The following PPARA variants were observed in gnomAD, a reference collection of about 807,000 sequenced individuals.
PPARA encodes peroxisome proliferator activated receptor alpha.
PPARA carries 22 observed loss-of-function variants against 42.2 expected under a neutral mutation model. The ratio of observed to expected loss-of-function variants is 0.52; its 90% confidence interval spans 0.37 to 0.74. The LOEUF (loss-of-function observed/expected upper bound fraction) is 0.74. PPARA is among the 30% of genes least tolerant of loss of function. The pLI, the probability that PPARA is intolerant of heterozygous loss-of-function variation, is 0.00. For synonymous variants in PPARA, 242 were observed against 239.3 expected, an observed-to-expected ratio of 1.01 and a Z score of -0.10; for missense variants, 465 against 608.2, an observed-to-expected ratio of 0.76 and a Z score of 2.48.
At chr22:46,169,427 G>A (rs1004878700) in intron 2 of PPARA, among the ~76,000 whole-genome samples, 1 of 151,842 alleles carries the variant, frequency 6.6e-6, no homozygotes, top group African/African-American at 2.4e-5. Flanking sequence ...GTAGAGACGG[G>A]GTTTCACCAT....
Position 46,240,023 on chromosome 22 carries a change from T to C in PPARA, c.*4643T>C. On this transcript the variant is annotated 3_prime_UTR_variant, in exon 9 of 9. Transcript: ENST00000407236. The surrounding 1 kb of genome is among the most constrained non-coding windows in gnomAD (Gnocchi z 6.0). ...CATTGCTTCAACACAGCAAGCCCAA[T>C]GCACCCAGCTAAGACTGGCTTGACC... 2.5e-6 allele frequency: 1 copy of C among 397,300 alleles called. No homozygotes were observed. The highest frequency in any genetic ancestry group is 4.4e-6 in the Non-Finnish European group (1 of 225,804). 24.6% of individuals were successfully genotyped at this position (397,300 alleles called of 1,614,324 possible).
intron 3 of PPARA, among the ~76,000 whole-genome samples, chr22:46,179,514 C>G (rs1929644116): frequency 6.6e-6 from 1 of 151,838 alleles, no homozygotes; most frequent in Non-Finnish European, 1.5e-5. Flanking sequence ...TATCCATATG[C>G]CCAAAATGAA....
At chr22:46,154,492 C>A (rs1005223088) in intron 2 of PPARA, among the ~76,000 whole-genome samples, 2 of 149,064 alleles carry the variant, frequency 1.3e-5, no homozygotes, top group Admixed American at 6.7e-5. Flanking sequence ...GTGGCGTGTG[C>A]CTGTGGCCCC....
At chr22:46,202,015 C>T (rs1408450350) in intron 4 of PPARA, among the ~76,000 whole-genome samples, 3 of 152,104 alleles carry the variant, frequency 2.0e-5, no homozygotes, top group African/African-American at 7.2e-5. Flanking sequence ...CAGAGATACA[C>T]TTTTTTCTTT....
chr22:46,186,569 G>C (rs2147298301), intron 3 of PPARA, among the ~76,000 whole-genome samples: 1 of 152,256 alleles, frequency 6.6e-6, no homozygotes, highest in African/African-American at 2.4e-5. Flanking sequence ...CCATGTAGCT[G>C]TCATTAACCT....
At chr22:46,215,683 A>G (rs1934414627) in intron 5 of PPARA, among the ~76,000 whole-genome samples, 1 of 152,196 alleles carries the variant, frequency 6.6e-6, no homozygotes, top group African/African-American at 2.4e-5. Context: ...CAGAGGTTGC[A>G]GTGAGCCAAG....
rs937467992 is a variant in PPARA, at chr22:46,193,741, C to T, written c.-42-4601C>T. Among the ~76,000 whole-genome samples, 2 of 152,330 alleles carry T rather than the reference C, an allele frequency of 1.3e-5. No individual in the cohort carries two copies. The highest frequency in any genetic ancestry group is 6.5e-5 in the Admixed American group (1 of 15,296). Reference sequence around the variant, plus strand: ...GAACAGAAGCCCTACCTTTTCCCAACACCCTATCCACCTGTCCCTCACCTC... The same window carrying T: ...GAACAGAAGCCCTACCTTTTCCCAATACCCTATCCACCTGTCCCTCACCTC... On this transcript the variant is annotated intron_variant, in intron 3 of 8. Transcript: ENST00000407236. This position sits in a 1 kb window ranked among gnomAD's most constrained non-coding sequence, Gnocchi z 5.3.
intron 7 of PPARA, 106 bp downstream of exon 7, chr22:46,220,120 C>T: frequency 7.8e-7 from 1 of 1,287,578 alleles, no homozygotes; most frequent in East Asian, 2.5e-5. Flanking sequence ...ATATTTATCC[C>T]ACAGTTAAGC....
In PPARA at chr22:46,161,473, C is replaced by A. The variant is rs1405038625; in HGVS notation, c.-127+9503C>A. Among the ~76,000 whole-genome samples the A allele has an allele frequency of 2.6e-5, 4 of 152,134 alleles. No individual in the cohort carries two copies. The highest frequency in any genetic ancestry group is 1.3e-4 in the Admixed American group (2 of 15,264). ...GGGCATGGTATGGCTGTAGTCCCAG[C>A]TACTCGGGAGGCTGAGGCAGGAGAA... is the stretch of plus-strand genomic sequence containing the variant. On this transcript the variant is annotated intron_variant, in intron 2 of 8. Coordinates refer to ENST00000407236, the MANE Select transcript of PPARA (RefSeq NM_005036.6). This position sits in a 1 kb window ranked among gnomAD's most constrained non-coding sequence, Gnocchi z 4.8.
chr22:46,166,676 T>A (rs567392991), intron 2 of PPARA, among the ~76,000 whole-genome samples: 1 of 149,652 alleles, frequency 6.7e-6, no homozygotes, highest in Non-Finnish European at 1.5e-5. Flanking sequence ...TGCTCAGAGA[T>A]AAAATGCGCG....
rs1241012976 is a variant in PPARA at position 46,161,574 on chromosome 22, C to T, written c.-127+9604C>T. On this transcript the variant is annotated intron_variant, in intron 2 of 8. Coordinates refer to ENST00000407236, the MANE Select transcript of PPARA (RefSeq NM_005036.6). This position sits in a 1 kb window ranked among gnomAD's most constrained non-coding sequence, Gnocchi z 4.8. ...GCACTCCAGCCTGGCAACAGCGAGA[C>T]TCCATCTCAAAAATAATAAGTAAAT... Among the ~76,000 whole-genome samples the T allele has an allele frequency of 3.9e-5, 6 of 151,990 alleles. No homozygotes were observed.
rs2147165845 is a variant in PPARA at position 46,167,358 on chromosome 22, A to C, written c.-126-9395A>C. ...GAAATGGGTCATAGATCTAATTGTA[A>C]GAGTTAAAACCATCCAGGTACAGTG... On this transcript the variant is annotated intron_variant, in intron 2 of 8. Coordinates refer to ENST00000407236, the MANE Select transcript of PPARA (RefSeq NM_005036.6). The surrounding 1 kb of genome is among the most constrained non-coding windows in gnomAD (Gnocchi z 4.1). 6.6e-6 allele frequency among the ~76,000 whole-genome samples: 1 copy of C among 152,192 alleles called. No homozygotes were observed. The highest frequency in any genetic ancestry group is 1.9e-4 in the East Asian group (1 of 5,188).
In PPARA at chr22:46,165,461, G is replaced by A. The variant is rs1796713150; in HGVS notation, c.-126-11292G>A. ...AGATAGTGAAGAACTGCCAGGCCAT[G>A]GTCTGGAGAAGATGGAAACTTGATG... On this transcript the variant is annotated intron_variant, in intron 2 of 8. Coordinates refer to ENST00000407236, the MANE Select transcript of PPARA (RefSeq NM_005036.6). The surrounding 1 kb of genome is among the most constrained non-coding windows in gnomAD (Gnocchi z 5.5). The A allele has an allele frequency of 6.6e-6, 1 of 152,256 alleles. No homozygotes were observed. The highest frequency in any genetic ancestry group is 2.4e-5 in the African/African-American group (1 of 41,460). 9.4% of individuals were successfully genotyped at this position (152,256 alleles called of 1,614,324 possible).
intron 3 of PPARA, among the ~76,000 whole-genome samples, chr22:46,177,146 G>C (rs1291465836): frequency 3.9e-5 from 6 of 152,162 alleles, no homozygotes; most frequent in African/African-American, 1.2e-4. Flanking sequence ...AGGAGGCAGA[G>C]CTTGCAGTGA....
At position 46,230,196 on chromosome 22, in the gene PPARA, A is replaced by T. The variant is rs1445443405; in HGVS notation, c.712-1596A>T. ...ACACCAGCCTGACCAACATGGTGTA[A>T]CCCCGTCTCTACTAAAAATACAAAA... On this transcript the variant is annotated intron_variant, in intron 7 of 8. Coordinates refer to ENST00000407236, the MANE Select transcript of PPARA (RefSeq NM_005036.6). This position sits in a 1 kb window ranked among gnomAD's most constrained non-coding sequence, Gnocchi z 5.0. Among the ~76,000 whole-genome samples, 1 of 152,102 alleles carries T rather than the reference A, an allele frequency of 6.6e-6. No individual in the cohort carries two copies. The highest frequency in any genetic ancestry group is 1.5e-5 in the Non-Finnish European group (1 of 68,010).
rs1936172377 is a variant in PPARA, at chr22:46,235,750, C to T, written c.*370C>T. On this transcript the variant is annotated 3_prime_UTR_variant, in exon 9 of 9. Transcript: ENST00000407236. This position sits in a 1 kb window ranked among gnomAD's most constrained non-coding sequence, Gnocchi z 7.0. ...ATTCGTGGCCTGTCTTCCCATTCACCCCGCTTTTGACTATTGTGCTCCTTT... is the reference window on the plus strand; with the variant it reads ...ATTCGTGGCCTGTCTTCCCATTCACTCCGCTTTTGACTATTGTGCTCCTTT... 1 of 328,364 alleles carries T rather than the reference C, an allele frequency of 3.0e-6. No homozygotes were observed. The highest frequency in any genetic ancestry group is 5.9e-6 in the Non-Finnish European group (1 of 170,050). 20.3% of individuals were successfully genotyped at this position (328,364 alleles called of 1,614,324 possible). A position where few individuals can be genotyped will look rare whatever the true frequency, so the allele number is the denominator to read the frequency against.
intron 4 of PPARA, among the ~76,000 whole-genome samples, chr22:46,207,584 C>G (rs889010393): frequency 2.2e-4 from 33 of 147,164 alleles, no homozygotes; most frequent in South Asian, 2.2e-4. Context: ...AGCCTGGCCA[C>G]TTTTTTTCTT....
rs530623883 is a variant in PPARA, at chr22:46,167,204, T to A, written c.-126-9549T>A. Among the ~76,000 whole-genome samples the A allele has an allele frequency of 2.0e-5, 3 of 151,844 alleles. No homozygotes were observed. The South Asian group carries it at 6.2e-4, about 32-fold the overall frequency. ...ATGCAAAAGAACCTCAACCTTCAGC[T>A]CACAGCACTACAAACTCATAATTAT... On this transcript the variant is annotated intron_variant, in intron 2 of 8. Coordinates refer to ENST00000407236, the MANE Select transcript of PPARA (RefSeq NM_005036.6). This position sits in a 1 kb window ranked among gnomAD's most constrained non-coding sequence, Gnocchi z 4.1.
In PPARA at chr22:46,182,880, G is replaced by A. The variant is rs891085030; in HGVS notation, c.-43+6044G>A. 5.3e-5 allele frequency among the ~76,000 whole-genome samples: 8 copies of A among 152,170 alleles called. No homozygotes were observed. The highest frequency in any genetic ancestry group is 8.8e-5 in the Non-Finnish European group (6 of 68,032). The stretch of plus-strand genomic sequence containing the variant: ...ATGCCTCAGCCTCCCAAGTAGCTGA[G>A]ACTACAGGCATACGCCACCATGCCC... On this transcript the variant is annotated intron_variant, in intron 3 of 8. Coordinates refer to ENST00000407236, the MANE Select transcript of PPARA (RefSeq NM_005036.6). This position sits in a 1 kb window ranked among gnomAD's most constrained non-coding sequence, Gnocchi z 5.2.
Sources: gnomAD v4.1 joint callset for allele counts (sites outside exome capture counted in the v4.1 genomes callset) on GRCh38, gnomAD v4.1.1 for gene constraint, Gnocchi (gnomAD v3.1) non-coding constraint, MANE v1.5 for transcripts, NCBI Gene and HGNC (gene_info 2026-07-23, HGNC 2026-07-21) for gene names.